The following VASH2 variants were observed in gnomAD, a reference collection of about 807,000 sequenced individuals.
VASH2 encodes vasohibin 2, also known as tubulinyl-Tyr carboxypeptidase 2.
A neutral mutation model predicts 37.2 loss-of-function variants in VASH2; 28 were observed. The observed-to-expected ratio is 0.75, with a 90% CI of 0.56 to 1.03. VASH2 has a LOEUF of 1.03. Ranked by LOEUF, VASH2 falls within the 50% of genes least tolerant of loss-of-function variation. The probability of loss-of-function intolerance (pLI) is 0.00; values close to 1 mark genes in which losing one functional copy is unlikely to be tolerated. For synonymous variants in VASH2, 188 were observed against 174.7 expected (o/e 1.08, Z -0.60); for missense variants, 419 against 459.1 (o/e 0.91, Z 0.80).
chr1:212,951,689 C>T lies in VASH2; in HGVS notation c.147C>T (p.Phe49=). The stretch of plus-strand genomic sequence containing the variant: ...AGGACAAAGACGGCGGGGTGCTGTT[C>T]CACGTCAACAAGAGCGGCTTCCCCA... ...EEEDKDGGVL[F]HVNKSGFPID... The change falls in exon 2 of 8, where the codon TTC becomes TTT. Residue 49 remains phenylalanine, a synonymous_variant. Transcript: ENST00000517399. This position sits in a 1 kb window ranked among gnomAD's most constrained non-coding sequence, Gnocchi z 4.4. 3.7e-6 allele frequency: 6 copies of T among 1,600,952 alleles called. No homozygotes were observed. Among genetic ancestry groups the T allele is most frequent in the Non-Finnish European group, 5.1e-6 (6 of 1,174,926 alleles).
intron 6 of VASH2, chr1:212,973,349 A>G (rs931164096): frequency 3.7e-5 from 47 of 1,261,406 alleles, no homozygotes; most frequent in South Asian, 2.4e-4. Flanking sequence ...TATAGACTAT[A>G]CTCATACGTC....
chr1:212,978,303 T>C (rs1197249552), intron 7 of VASH2, among the ~76,000 whole-genome samples: 1 of 152,200 alleles, frequency 6.6e-6, no homozygotes, highest in Non-Finnish European at 1.5e-5. Context: ...CTGCCTCAGT[T>C]GTGAGTGAAA....
intron 7 of VASH2, among the ~76,000 whole-genome samples, chr1:212,978,852 C>A (rs1667256731): frequency 6.6e-6 from 1 of 152,154 alleles, no homozygotes; most frequent in South Asian, 2.1e-4. Flanking sequence ...CTTGCCACTT[C>A]TTTTCTCTTT....
At chr1:212,976,744 G>GGT (rs57075848) in intron 7 of VASH2, among the ~76,000 whole-genome samples, 13,960 of 152,206 alleles carry the variant, frequency 0.092, 1,382 homozygotes, top group African/African-American at 0.26. Flanking sequence ...GCTACCTTCT[G>GGT]GTGTTGAGGC....
intron 7 of VASH2, among the ~76,000 whole-genome samples, chr1:212,979,433 G>A (rs1667273941): frequency 6.6e-6 from 1 of 152,174 alleles, no homozygotes; most frequent in African/African-American, 2.4e-5. Context: ...GGTGTCATGA[G>A]GAAGCTTGGG....
chr1:212,971,747 T>C lies in VASH2; in HGVS notation c.498-833T>C, dbSNP rs1462328525. ...GGCTGCCGCCAGTGCTGTGGATGGATTCTGTCAGCATCCTTCTCTTCAGGG... is the reference window on the plus strand; with the variant it reads ...GGCTGCCGCCAGTGCTGTGGATGGACTCTGTCAGCATCCTTCTCTTCAGGG... On this transcript the variant is annotated intron_variant, in intron 5 of 7. Transcript: ENST00000517399. The surrounding 1 kb of genome is among the most constrained non-coding windows in gnomAD (Gnocchi z 4.0). Among the ~76,000 whole-genome samples the C allele has an allele frequency of 6.6e-6, 1 of 151,714 alleles. No homozygotes were observed. Among genetic ancestry groups the C allele is most frequent in the African/African-American group, 2.4e-5 (1 of 41,304 alleles).
intron 2 of VASH2, among the ~76,000 whole-genome samples, chr1:212,958,298 G>A (rs752189331): frequency 1.3e-5 from 2 of 152,154 alleles, no homozygotes; most frequent in African/African-American, 4.8e-5. Flanking sequence ...GCGCCTCCCC[G>A]CCACTGCCCT....
At chr1:212,952,574 G>A (rs936575154) in intron 2 of VASH2, 6 of 152,322 alleles carry the variant, frequency 3.9e-5, no homozygotes, top group African/African-American at 1.4e-4. Flanking sequence ...AAGCCAGTGA[G>A]CCATTTGGGT....
intron 7 of VASH2, among the ~76,000 whole-genome samples, chr1:212,975,364 G>A (rs1380059785): frequency 6.6e-6 from 1 of 152,248 alleles, no homozygotes; most frequent in Non-Finnish European, 1.5e-5. Context: ...GGGTTGGGAA[G>A]GAGGGTGTGA....
intron 7 of VASH2, among the ~76,000 whole-genome samples, chr1:212,982,137 C>T (rs980209901): frequency 6.6e-6 from 1 of 152,204 alleles, no homozygotes; most frequent in Admixed American, 6.5e-5. Flanking sequence ...GAATGCAGAC[C>T]TGTCATTGGG....
At chr1:212,961,078 TG>T in intron 2 of VASH2, 87 bp from the exon 3 acceptor site, 1 of 1,283,434 alleles carries the variant, frequency 7.8e-7, no homozygotes, top group Non-Finnish European at 1.1e-6. Context: ...CCTCTCTCTC[TG>T]GTGGCTTTAG....
In VASH2 at chr1:212,965,724, A is replaced by G; in HGVS notation, c.368A>G (p.Tyr123Cys). 3 of 1,551,876 alleles carry G rather than the reference A, an allele frequency of 1.9e-6. No homozygotes were observed. Among genetic ancestry groups the G allele is most frequent in the Non-Finnish European group, 2.6e-6 (3 of 1,146,686 alleles). ...TTCCCTTTACATACTTTACACAGAT[A>G]TAATCACACAGGGACCCAGTTCTTT... ...AIQNYMKTLQ[Y>C]NHTGTQFFEI... Residue 123 changes from tyrosine to cysteine, a missense_variant and splice_region_variant, in exon 4 of 8, where the codon TAT becomes TGT. Transcript: ENST00000517399.
rs560446024 is a variant in VASH2, at chr1:212,963,958, T to G, written c.366-1764T>G. ...GAAATCACTTCACAATGAGAATATT[T>G]AGCCCTTCATTTTCCTCTTTTACCT... On this transcript the variant is annotated intron_variant, in intron 3 of 7. Coordinates refer to ENST00000517399, the MANE Select transcript of VASH2 (RefSeq NM_001301056.2). Among the ~76,000 whole-genome samples the G allele has an allele frequency of 2.6e-5, 4 of 152,306 alleles. No homozygotes were observed. The South Asian group carries it at 8.3e-4, about 32-fold the overall frequency.
At chr1:212,961,386 T>C in intron 3 of VASH2, 132 bp downstream of exon 3, 1 of 1,535,240 alleles carries the variant, frequency 6.5e-7, no homozygotes, top group Non-Finnish European at 8.7e-7. Flanking sequence ...CATGGAGGGA[T>C]GTCCCGGGTG....
chr1:212,981,942 C>T (rs928424194), intron 7 of VASH2, among the ~76,000 whole-genome samples: 59 of 152,216 alleles, frequency 3.9e-4, no homozygotes, highest in African/African-American at 1.3e-3. Context: ...CTGGTCAGGC[C>T]GAGCTCCTCC....
chr1:212,973,284 C>A, intron 6 of VASH2: 1 of 995,500 alleles, frequency 1.0e-6, no homozygotes. Flanking sequence ...GCGGGTTTTC[C>A]CAGGACATGA....
intron 7 of VASH2, among the ~76,000 whole-genome samples, chr1:212,978,704 T>C (rs1667250717): frequency 6.6e-6 from 1 of 152,222 alleles, no homozygotes; most frequent in South Asian, 2.1e-4. Flanking sequence ...CTTTGCGGTT[T>C]TTTTTCCCCA....
chr1:212,956,669 T>A (rs1666507343), intron 2 of VASH2, among the ~76,000 whole-genome samples: 1 of 152,232 alleles, frequency 6.6e-6, no homozygotes, highest in Non-Finnish European at 1.5e-5. Flanking sequence ...AGAGCATCCT[T>A]ACCAGCATTG....
At chr1:212,955,723 C>T (rs1439041287) in intron 2 of VASH2, among the ~76,000 whole-genome samples, 1 of 152,214 alleles carries the variant, frequency 6.6e-6, no homozygotes, top group African/African-American at 2.4e-5. Flanking sequence ...AAATAATTCA[C>T]ATTTAGAGGA....
Sources: allele counts gnomAD v4.1 joint callset (sites outside exome capture counted in the v4.1 genomes callset), GRCh38; gene constraint gnomAD v4.1.1; non-coding constraint Gnocchi (gnomAD v3.1); transcripts MANE v1.5; gene names NCBI Gene and HGNC (gene_info 2026-07-23, HGNC 2026-07-21).